ECT2L: variants seen among roughly 807,000 people sequenced by gnomAD.
ECT2L encodes the protein epithelial cell transforming 2 like, also known as epithelial cell-transforming sequence 2 oncogene-like.
Under a neutral mutation model 122.8 loss-of-function variants are expected in ECT2L, and 126 were observed. The observed-to-expected ratio is 1.03, with a 90% CI of 0.89 to 1.19. The LOEUF is 1.19. Among genes scored for constraint, ECT2L ranks in the 50% most tolerant of loss-of-function variants. ECT2L has a pLI of 0.00. For missense variants in ECT2L, 1,012 were observed against 1,064.1 expected, an observed-to-expected ratio of 0.95 and a Z score of 0.68; for synonymous variants, 385 against 381.8, an observed-to-expected ratio of 1.01 and a Z score of -0.10.
chr6:138,822,827 T>C, intron 4 of ECT2L: 2 of 1,613,826 alleles, frequency 1.2e-6, no homozygotes, highest in Non-Finnish European at 1.7e-6. Context: ...ACAGTCAATA[T>C]GAATTGATCT....
At chr6:138,872,204 T>C (rs1421961511) in intron 13 of ECT2L, among the ~76,000 whole-genome samples, 2 of 152,204 alleles carry the variant, frequency 1.3e-5, no homozygotes, top group East Asian at 3.9e-4. Context: ...GAAGCCCTGC[T>C]TGCTGGCTGC....
chr6:138,867,081 AC>A (rs1370505347), intron 12 of ECT2L, among the ~76,000 whole-genome samples: 1 of 138,050 alleles, frequency 7.2e-6, no homozygotes, highest in Non-Finnish European at 1.5e-5. Flanking sequence ...CTCAAAAAAA[AC>A]AAAAAAACAA....
intron 13 of ECT2L, among the ~76,000 whole-genome samples, chr6:138,869,461 C>T (rs1778165827): frequency 6.6e-6 from 1 of 152,190 alleles, no homozygotes; most frequent in African/African-American, 2.4e-5. Context: ...AGCTGTCCTG[C>T]ACTGGGTGGG....
chr6:138,862,201 T>A (rs1184194567), intron 10 of ECT2L, among the ~76,000 whole-genome samples: 1 of 152,188 alleles, frequency 6.6e-6, no homozygotes, highest in Admixed American at 6.5e-5. Flanking sequence ...TACCTGAGGA[T>A]GGGTAATTTA....
At chr6:138,874,030 A>C (rs576720465) in intron 13 of ECT2L, among the ~76,000 whole-genome samples, 4 of 152,120 alleles carry the variant, frequency 2.6e-5, no homozygotes, top group African/African-American at 9.6e-5. Flanking sequence ...ATACCATGCA[A>C]CCATGGTGAT....
rs553157584 is a variant in ECT2L at position 138,874,511 on chromosome 6, A to AAAAAGT, written c.1579-1958_1579-1953dup. Among the ~76,000 whole-genome samples the AAAAAGT allele has an allele frequency of 6.6e-5, 10 of 152,326 alleles. 1 individual carries two copies. In the East Asian group the frequency reaches 1.7e-3, roughly 26 times the overall value. On this transcript the variant is annotated intron_variant, in intron 13 of 21. Transcript: ENST00000541398. ...ATCCACAAAGAAAAAATTATATTTA[A>AAAAAGT]AAAAGTAAGTTGCTGCTGAGCCGGA...
chr6:138,818,089 G>C (rs1302649298), intron 4 of ECT2L, among the ~76,000 whole-genome samples: 1 of 152,206 alleles, frequency 6.6e-6, no homozygotes, highest in African/African-American at 2.4e-5. Flanking sequence ...CTCAAACAAA[G>C]GCCTTTGGTT....
chr6:138,868,893 G>A (rs886369200), intron 13 of ECT2L, among the ~76,000 whole-genome samples: 5 of 152,176 alleles, frequency 3.3e-5, no homozygotes, highest in Non-Finnish European at 5.9e-5. Flanking sequence ...GTGGCCAGGC[G>A]TGGTGGCTTA....
chr6:138,895,719 G>C (rs958501477), intron 20 of ECT2L, among the ~76,000 whole-genome samples: 5 of 151,964 alleles, frequency 3.3e-5, no homozygotes, highest in African/African-American at 1.2e-4. Context: ...GTACAGGGGC[G>C]TGCCACCACT....
chr6:138,828,697 T>C (rs1776543909), intron 4 of ECT2L, among the ~76,000 whole-genome samples: 1 of 152,200 alleles, frequency 6.6e-6, no homozygotes, highest in African/African-American at 2.4e-5. Flanking sequence ...CCTTAATGAC[T>C]TGCTTTCCCG....
chr6:138,867,207 C>T (rs1778075399), intron 12 of ECT2L, among the ~76,000 whole-genome samples: 1 of 152,224 alleles, frequency 6.6e-6, no homozygotes. Flanking sequence ...TTCACATGCT[C>T]TCTCCTTATT....
At chr6:138,880,075 T>C (rs1206769637) in intron 14 of ECT2L, among the ~76,000 whole-genome samples, 2 of 152,248 alleles carry the variant, frequency 1.3e-5, no homozygotes, top group Non-Finnish European at 1.5e-5. Flanking sequence ...CTATCCTTCA[T>C]ACTGAAGTTA....
intron 9 of ECT2L, among the ~76,000 whole-genome samples, chr6:138,852,139 G>A (rs1426912491): frequency 6.6e-6 from 1 of 152,168 alleles, no homozygotes; most frequent in African/African-American, 2.4e-5. Flanking sequence ...AATTAGCTGG[G>A]CGTGGTGGCA....
Position 138,865,116 on chromosome 6 carries a change from T to C in ECT2L, c.1412T>C (p.Val471Ala). The C allele has an allele frequency of 6.2e-7, 1 of 1,614,050 alleles. No homozygotes were observed. The highest frequency in any genetic ancestry group is 8.5e-7 in the Non-Finnish European group (1 of 1,179,976). ...TTCCTAGAAGAAACCTTGAAAACAG[T>C]AAGGAAGCAGCTGTATCCTTTCTTC... ...TDFLEETLKT[V>A]RKQLYPFFKE... is the part of the protein sequence containing the mutation. The change falls in exon 12 of 22, where the codon GTA becomes GCA. Residue 471 changes from valine to alanine, a missense_variant. Transcript: ENST00000541398.
At chr6:138,899,152 GA>G (rs1008772213) in intron 20 of ECT2L, among the ~76,000 whole-genome samples, 46 of 135,740 alleles carry the variant, frequency 3.4e-4, no homozygotes, top group East Asian at 1.0e-3. Flanking sequence ...TGGCAATACA[GA>G]AAAAAAAAAA....
In ECT2L at chr6:138,842,557, G is replaced by T. The variant is rs1479299432; in HGVS notation, c.343-422G>T. On this transcript the variant is annotated intron_variant, in intron 5 of 21. Transcript: ENST00000541398. ...GAGGCCAAGGTGGGCGGATCACGAG[G>T]TCAGGAGATGGAGACCATCCTGGCT... Among the ~76,000 whole-genome samples the T allele has an allele frequency of 2.0e-5, 3 of 152,106 alleles. No homozygotes were observed. In the East Asian group the frequency reaches 5.8e-4, roughly 29 times the overall value.
At chr6:138,897,904 C>T (rs1779270436) in intron 20 of ECT2L, among the ~76,000 whole-genome samples, 1 of 152,152 alleles carries the variant, frequency 6.6e-6, no homozygotes, top group Non-Finnish European at 1.5e-5. Context: ...AACTGAACAT[C>T]AATTTACCAA....
chr6:138,865,085 A>C lies in ECT2L; in HGVS notation c.1381A>C (p.Thr461Pro), dbSNP rs766077407. The C allele has an allele frequency of 6.2e-7, 1 of 1,614,140 alleles. No homozygotes were observed. Among genetic ancestry groups the C allele is most frequent in the Admixed American group, 1.7e-5 (1 of 60,022 alleles). The change falls in exon 12 of 22, where the codon ACA becomes CCA. Residue 461 changes from threonine to proline, a missense_variant. Thr to Pro is a conservative substitution (Grantham distance 38). Transcript: ENST00000541398. ...ESKLQTWSSF[T>P]DFLEETLKTV... ...GAAGCTACAGACGTGGTCCAGCTTC[A>C]CAGACTTCCTAGAAGAAACCTTGAA...
intron 9 of ECT2L, 138 bp downstream of exon 9, chr6:138,849,572 G>T: frequency 1.2e-5 from 9 of 735,088 alleles, no homozygotes; most frequent in Non-Finnish European, 1.4e-5. Context: ...AAAAAGCGAA[G>T]CTTTTTTTTT....
Sources: gnomAD v4.1 joint callset for allele counts (sites outside exome capture counted in the v4.1 genomes callset) on GRCh38, gnomAD v4.1.1 for gene constraint, MANE v1.5 for transcripts, NCBI Gene and HGNC (gene_info 2026-07-23, HGNC 2026-07-21) for gene names.